The following PTPRN2 variants were observed in gnomAD, a reference collection of about 807,000 sequenced individuals.
PTPRN2 encodes receptor-type tyrosine-protein phosphatase N2.
PTPRN2 carries 74 observed loss-of-function variants against 118.8 expected under a neutral mutation model. That is an observed-to-expected ratio of 0.62 (90% CI 0.52 to 0.76). The LOEUF is 0.76. Ranked by LOEUF, PTPRN2 falls within the 30% of genes least tolerant of loss-of-function variation. The probability of loss-of-function intolerance (pLI) is 0.00; values close to 1 mark genes in which losing one functional copy is unlikely to be tolerated. For missense variants in PTPRN2, 1,481 were observed against 1,394.4 expected (o/e 1.06, Z -0.99); for synonymous variants, 641 against 608.0 (o/e 1.05, Z -0.80).
chr7:158,263,115 GCA>G (rs1307782683), intron 3 of PTPRN2, among the ~76,000 whole-genome samples: 4 of 54,418 alleles, frequency 7.4e-5, no homozygotes, highest in East Asian at 9.7e-4. Context: ...CACACACACT[GCA>G]CACACATACA....
At chr7:157,947,691 A>C (rs1414930717) in intron 11 of PTPRN2, among the ~76,000 whole-genome samples, 1 of 149,732 alleles carries the variant, frequency 6.7e-6, no homozygotes, top group Non-Finnish European at 1.5e-5. Context: ...GAAAGACATG[A>C]ATATACATAT....
chr7:158,202,282 TGAGG>T (rs1164783245), intron 4 of PTPRN2, among the ~76,000 whole-genome samples: 1 of 152,188 alleles, frequency 6.6e-6, no homozygotes, highest in African/African-American at 2.4e-5. Context: ...GGGCAACTGT[TGAGG>T]AAGACGATGG....
chr7:158,528,025 G>A (rs1024784473), intron 1 of PTPRN2, among the ~76,000 whole-genome samples: 12 of 152,206 alleles, frequency 7.9e-5, no homozygotes, highest in Admixed American at 5.2e-4. Flanking sequence ...CAGTCTAAAC[G>A]ACAGGGTAGG....
chr7:158,251,485 A>G lies in PTPRN2; in HGVS notation c.278-46212T>C, dbSNP rs552142925. On this transcript the variant is annotated intron_variant, in intron 3 of 22. Coordinates refer to ENST00000389418, the MANE Select transcript of PTPRN2 (RefSeq NM_002847.5). ...GGTGTGCAATGGATGTATATGGTGC[A>G]CGTGTGGTGTGTGCAGGTGTGCAAT... Among the ~76,000 whole-genome samples, 46 of 151,118 alleles carry G rather than the reference A, an allele frequency of 3.0e-4. 1 individual carries two copies. The highest frequency in any genetic ancestry group is 1.1e-3 in the African/African-American group (45 of 40,974).
At chr7:158,358,299 C>T (rs1028273612) in intron 2 of PTPRN2, among the ~76,000 whole-genome samples, 1 of 152,228 alleles carries the variant, frequency 6.6e-6, no homozygotes, top group Admixed American at 6.5e-5. Context: ...TTCCTGCCCT[C>T]AGCTTCACCT....
At chr7:157,692,928 G>A (rs1797585151) in intron 12 of PTPRN2, among the ~76,000 whole-genome samples, 1 of 152,052 alleles carries the variant, frequency 6.6e-6, no homozygotes, top group Admixed American at 6.5e-5. Flanking sequence ...CCCTCCCAGG[G>A]ACCTTCTCGG....
rs1342497026 is a variant in PTPRN2 at position 158,453,444 on chromosome 7, C to T, written c.163+36291G>A. Among the ~76,000 whole-genome samples the T allele has an allele frequency of 2.1e-5, 3 of 141,100 alleles. No homozygotes were observed. In the Admixed American group the frequency reaches 2.2e-4, roughly 10 times the overall value. 92.6% of individuals were successfully genotyped at this position (141,100 alleles called of 152,430 possible). On this transcript the variant is annotated intron_variant, in intron 2 of 22. Coordinates refer to ENST00000389418, the MANE Select transcript of PTPRN2 (RefSeq NM_002847.5). ...ACAGGGTTGGCTAACACAGCCTGGA[C>T]ATAGGGGAATTGAAAGAGAACAGTC...
At chr7:158,323,081 C>G (rs1355560791) in intron 2 of PTPRN2, among the ~76,000 whole-genome samples, 1 of 152,204 alleles carries the variant, frequency 6.6e-6, no homozygotes, top group African/African-American at 2.4e-5. Flanking sequence ...GGGGAATATT[C>G]TGGGAGACGT....
At chr7:157,582,624 C>T (rs964221873) in intron 17 of PTPRN2, among the ~76,000 whole-genome samples, 4 of 152,118 alleles carry the variant, frequency 2.6e-5, no homozygotes, top group African/African-American at 7.2e-5. Flanking sequence ...ACCTGTAATC[C>T]CAGCACTTTG....
chr7:158,071,099 G>T (rs1298231236), intron 11 of PTPRN2, among the ~76,000 whole-genome samples: 1 of 97,576 alleles, frequency 1.0e-5, no homozygotes, highest in Non-Finnish European at 2.0e-5. Context: ...GGTGGTGGAG[G>T]TGCTCGTGGT....
At chr7:158,264,086 G>A (rs778637880) in intron 3 of PTPRN2, among the ~76,000 whole-genome samples, 21 of 152,330 alleles carry the variant, frequency 1.4e-4, no homozygotes, top group Admixed American at 9.8e-4. Flanking sequence ...TTATTTAGAA[G>A]GAGGTCACAT....
At chr7:158,299,138 A>T (rs1800697701) in intron 3 of PTPRN2, among the ~76,000 whole-genome samples, 1 of 152,098 alleles carries the variant, frequency 6.6e-6, no homozygotes. Flanking sequence ...GGAAGTTTTG[A>T]CACTAATCAA....
chr7:158,139,151 G>T (rs1332869863), intron 6 of PTPRN2, among the ~76,000 whole-genome samples: 1 of 152,144 alleles, frequency 6.6e-6, no homozygotes, highest in Admixed American at 6.6e-5. Context: ...GCAGGAGGAG[G>T]CAGAAAAACA....
chr7:158,270,806 T>TCCACCTGGACCGCCCCCCC (rs1197466438), intron 3 of PTPRN2, among the ~76,000 whole-genome samples: 1 of 6,414 alleles, frequency 1.6e-4, no homozygotes, highest in Non-Finnish European at 3.3e-4. Context: ...GACCACCCCC[T>TCCACCTGGACCGCCCCCCC]CACCTGGACC....
At chr7:157,752,741 T>C (rs1801556442) in intron 12 of PTPRN2, among the ~76,000 whole-genome samples, 1 of 152,190 alleles carries the variant, frequency 6.6e-6, no homozygotes, top group South Asian at 2.1e-4. Flanking sequence ...ATTTTCATCT[T>C]TTAGAACAGA....
intron 14 of PTPRN2, among the ~76,000 whole-genome samples, chr7:157,646,639 G>T (rs1332351002): frequency 6.6e-6 from 1 of 152,182 alleles, no homozygotes; most frequent in African/African-American, 2.4e-5. Context: ...GGGAGGCTGG[G>T]TCCCACTGGT....
intron 12 of PTPRN2, among the ~76,000 whole-genome samples, chr7:157,850,882 G>A (rs950830376): frequency 1.3e-5 from 2 of 152,242 alleles, no homozygotes; most frequent in Non-Finnish European, 2.9e-5. Flanking sequence ...GTGGGAGAAC[G>A]AATGGTCATC....
At chr7:157,791,729 A>G (rs1804514604) in intron 12 of PTPRN2, among the ~76,000 whole-genome samples, 1 of 152,202 alleles carries the variant, frequency 6.6e-6, no homozygotes. Context: ...GAGGACTTTG[A>G]ACATCAAAAA....
intron 12 of PTPRN2, among the ~76,000 whole-genome samples, chr7:157,711,584 C>T (rs917460927): frequency 6.6e-6 from 1 of 152,206 alleles, no homozygotes; most frequent in Non-Finnish European, 1.5e-5. Flanking sequence ...TTCCCTTCCT[C>T]AGGCCCACCT....
Sources: allele counts gnomAD v4.1 joint callset (sites outside exome capture counted in the v4.1 genomes callset), GRCh38; gene constraint gnomAD v4.1.1; transcripts MANE v1.5; gene names NCBI Gene and HGNC (gene_info 2026-07-23, HGNC 2026-07-21).